Variants in SLC39A8 observed in about 807,000 individuals in gnomAD.
The protein encoded by SLC39A8 is metal cation symporter ZIP8.
A neutral mutation model predicts 40.4 loss-of-function variants in SLC39A8; 15 were observed. That is an observed-to-expected ratio of 0.37 (90% confidence interval 0.25 to 0.57). SLC39A8 has a LOEUF of 0.57. Among genes scored for constraint, SLC39A8 ranks in the 20% least tolerant of loss-of-function variants. SLC39A8 has a pLI of 0.75. For synonymous variants in SLC39A8, 223 were observed against 221.6 expected (o/e 1.01, Z -0.06); for missense variants, 472 against 558.8 (o/e 0.84, Z 1.57).
chr4:102,277,826 A>C (rs1487149913), intron 6 of SLC39A8, among the ~76,000 whole-genome samples: 3 of 152,182 alleles, frequency 2.0e-5, no homozygotes, highest in Non-Finnish European at 4.4e-5. Flanking sequence ...CTCAGAAATA[A>C]CACCACACAT....
chr4:102,310,136 T>A (rs116736842), intron 3 of SLC39A8, among the ~76,000 whole-genome samples: 2 of 152,032 alleles, frequency 1.3e-5, no homozygotes, highest in Non-Finnish European at 2.9e-5. Context: ...CCAAACACTA[T>A]GTTTTCCCAA....
At chr4:102,329,919 C>A (rs1327305936) in intron 2 of SLC39A8, among the ~76,000 whole-genome samples, 1 of 152,136 alleles carries the variant, frequency 6.6e-6, no homozygotes, top group Non-Finnish European at 1.5e-5. Context: ...ACAACCTGCT[C>A]CTGACTGATT....
At chr4:102,314,446 A>C (rs139397532) in intron 3 of SLC39A8, among the ~76,000 whole-genome samples, 1 of 152,174 alleles carries the variant, frequency 6.6e-6, no homozygotes, top group East Asian at 1.9e-4. Context: ...ACTTCACACT[A>C]CATTCAGAAT....
chr4:102,320,264 T>C (rs910870404), intron 2 of SLC39A8, among the ~76,000 whole-genome samples: 5 of 136,588 alleles, frequency 3.7e-5, no homozygotes, highest in African/African-American at 1.1e-4. Context: ...TGAGTATATA[T>C]ATGAGAATAT....
At position 102,304,409 on chromosome 4, in the gene SLC39A8, C is replaced by T. The variant is rs1257608787; in HGVS notation, c.748G>A (p.Ala250Thr). Residue 250 changes from alanine to threonine, a missense_variant, in exon 6 of 9, where the codon GCC (alanine) becomes ACC (threonine). Physicochemically the swap from Ala to Thr is moderately conservative, Grantham distance 58. This residue lies in a region of SLC39A8 where 239 missense variants were observed against 317.9 expected (regional missense o/e 0.75). Coordinates refer to ENST00000356736, the MANE Select transcript of SLC39A8 (RefSeq NM_001135146.2). ...EKTHQPKALPAINGVTCYANP... is the reference protein window; with the variant it reads ...EKTHQPKALPTINGVTCYANP... ...GCATAGCATGTCACACCATTGATGG[C>T]AGGTAATGCTTTAGGTTGATGAGTT... The T allele has an allele frequency of 6.2e-7, 1 of 1,611,498 alleles. No homozygotes were observed. The highest frequency in any genetic ancestry group is 8.5e-7 in the Non-Finnish European group (1 of 1,178,276).
At position 102,305,138 on chromosome 4, in the gene SLC39A8, G is replaced by A. The variant is rs188141178; in HGVS notation, c.553-27C>T. 2.2e-4 allele frequency: 347 copies of A among 1,594,104 alleles called. 1 individual carries two copies. In the East Asian group the frequency reaches 4.7e-3, roughly 22 times the overall value. The stretch of plus-strand genomic sequence containing the variant: ...TAAGGGAGAAAAAAGGGCAATTCAA[G>A]TAAAACCAAGAAATTTAACTTGATT... On this transcript the variant is annotated intron_variant, in intron 4 of 8. Coordinates refer to ENST00000356736, the MANE Select transcript of SLC39A8 (RefSeq NM_001135146.2).
intron 6 of SLC39A8, among the ~76,000 whole-genome samples, chr4:102,293,910 T>G (rs1733569024): frequency 6.7e-6 from 1 of 149,894 alleles, no homozygotes; most frequent in Non-Finnish European, 1.5e-5. Flanking sequence ...AGAGTTTTGT[T>G]TTTTTTTTCC....
chr4:102,332,806 A>G (rs1353660489), intron 2 of SLC39A8, among the ~76,000 whole-genome samples: 1 of 152,274 alleles, frequency 6.6e-6, no homozygotes, highest in African/African-American at 2.4e-5. Flanking sequence ...AAAATGTGGC[A>G]CATATACACC....
chr4:102,274,162 G>C (rs1253303728), intron 6 of SLC39A8, among the ~76,000 whole-genome samples: 1 of 152,088 alleles, frequency 6.6e-6, no homozygotes, highest in Non-Finnish European at 1.5e-5. Context: ...TGAGCTAAAA[G>C]AGCATGTTCT....
At chr4:102,284,707 C>T (rs1733074685) in intron 6 of SLC39A8, among the ~76,000 whole-genome samples, 1 of 152,014 alleles carries the variant, frequency 6.6e-6, no homozygotes, top group Non-Finnish European at 1.5e-5. Context: ...AAGTCACAAA[C>T]ACTATAAAAA....
intron 6 of SLC39A8, among the ~76,000 whole-genome samples, chr4:102,270,098 T>C (rs1732280115): frequency 1.3e-5 from 2 of 152,200 alleles, no homozygotes; most frequent in African/African-American, 4.8e-5. Context: ...TGAGATTATT[T>C]TGAATTAAAG....
At chr4:102,333,496 G>C (rs1560569837) in intron 2 of SLC39A8, among the ~76,000 whole-genome samples, 1 of 152,210 alleles carries the variant, frequency 6.6e-6, no homozygotes, top group Non-Finnish European at 1.5e-5. Flanking sequence ...AAGAAAAAGT[G>C]AGGAGTCAAT....
intron 6 of SLC39A8, among the ~76,000 whole-genome samples, chr4:102,287,964 C>A (rs1437006039): frequency 6.6e-6 from 1 of 152,104 alleles, no homozygotes; most frequent in African/African-American, 2.4e-5. Context: ...TTGCACGTGA[C>A]AGGTACCACC....
chr4:102,308,874 A>T (rs1353632236), intron 3 of SLC39A8, among the ~76,000 whole-genome samples: 1 of 152,068 alleles, frequency 6.6e-6, no homozygotes, highest in Non-Finnish European at 1.5e-5. Flanking sequence ...GAGAAATACT[A>T]CTACCTCCTT....
At chr4:102,298,677 A>C (rs555846851) in intron 6 of SLC39A8, among the ~76,000 whole-genome samples, 3 of 152,064 alleles carry the variant, frequency 2.0e-5, no homozygotes, top group Non-Finnish European at 4.4e-5. Flanking sequence ...CTATGTCCTT[A>C]TAAAGGAATA....
chr4:102,340,157 C>A (rs572863754), intron 2 of SLC39A8, among the ~76,000 whole-genome samples: 1 of 152,132 alleles, frequency 6.6e-6, no homozygotes, highest in South Asian at 2.1e-4. Flanking sequence ...CCCATCTATT[C>A]AAAAAAATTA....
At chr4:102,316,120 G>A (rs1182905557) in intron 2 of SLC39A8, among the ~76,000 whole-genome samples, 1 of 151,966 alleles carries the variant, frequency 6.6e-6, no homozygotes, top group Non-Finnish European at 1.5e-5. Context: ...TTTAAAATAG[G>A]GGTGCACCAA....
intron 6 of SLC39A8, among the ~76,000 whole-genome samples, chr4:102,272,088 C>A (rs111401336): frequency 0.011 from 1,598 of 152,138 alleles, 28 homozygotes; most frequent in African/African-American, 0.036. Context: ...CCAGTAATCC[C>A]AGCACTATGG....
chr4:102,282,874 G>A (rs1334551826), intron 6 of SLC39A8, among the ~76,000 whole-genome samples: 4 of 152,026 alleles, frequency 2.6e-5, no homozygotes, highest in Non-Finnish European at 5.9e-5. Context: ...CTACAGGTGC[G>A]TGCCACCATG....
Sources: gnomAD v4.1 joint callset for allele counts (sites outside exome capture counted in the v4.1 genomes callset) on GRCh38, gnomAD v4.1.1 for gene constraint, gnomAD v4.1.1 regional missense constraint, MANE v1.5 for transcripts, NCBI Gene and HGNC (gene_info 2026-07-23, HGNC 2026-07-21) for gene names.